PIK3R5: variants seen among roughly 807,000 people sequenced by gnomAD.
PIK3R5 encodes the protein phosphoinositide-3-kinase regulatory subunit 5.
In PIK3R5, 32 loss-of-function variants were observed where a neutral mutation model predicts 94.9. The observed-to-expected ratio is 0.34, with a 90% CI of 0.25 to 0.45. PIK3R5 has a LOEUF of 0.45. Among genes scored for constraint, PIK3R5 ranks in the 20% least tolerant of loss-of-function variants. The pLI is 1.00. For synonymous variants in PIK3R5, 443 were observed against 479.4 expected (o/e 0.92, Z 0.99); for missense variants, 853 against 1,144.6 (o/e 0.75, Z 3.68).
At chr17:8,924,753 G>C (rs977641142) in intron 1 of PIK3R5, among the ~76,000 whole-genome samples, 2 of 152,140 alleles carry the variant, frequency 1.3e-5, no homozygotes, top group Non-Finnish European at 2.9e-5. Flanking sequence ...ATATGCTTTA[G>C]AGCGAAACCT....
intron 1 of PIK3R5, among the ~76,000 whole-genome samples, chr17:8,923,689 T>G (rs1031810085): frequency 3.9e-5 from 6 of 152,198 alleles, no homozygotes; most frequent in Non-Finnish European, 7.4e-5. Context: ...CGGGAGACTG[T>G]TTAATCCTAC....
chr17:8,964,733 T>C (rs2091634390), intron 1 of PIK3R5, among the ~76,000 whole-genome samples: 1 of 152,036 alleles, frequency 6.6e-6, no homozygotes, highest in Admixed American at 6.5e-5. Context: ...AAGGAAAGTG[T>C]GGGGTGGATG....
chr17:8,913,668 C>T (rs1026040532), intron 1 of PIK3R5, among the ~76,000 whole-genome samples: 2 of 152,196 alleles, frequency 1.3e-5, no homozygotes, highest in Admixed American at 6.5e-5. Context: ...GTCGAGATCA[C>T]ACCGCTGCAC....
At chr17:8,927,237 C>G (rs2090899769) in intron 1 of PIK3R5, among the ~76,000 whole-genome samples, 1 of 152,206 alleles carries the variant, frequency 6.6e-6, no homozygotes, top group African/African-American at 2.4e-5. Context: ...GGCAACTTAG[C>G]AAGACAGACA....
chr17:8,946,033 A>C (rs145870445), intron 1 of PIK3R5, among the ~76,000 whole-genome samples: 24 of 152,174 alleles, frequency 1.6e-4, no homozygotes, highest in Non-Finnish European at 3.4e-4. Flanking sequence ...CCCAGCTGAG[A>C]CCCCAGACAT....
intron 1 of PIK3R5, among the ~76,000 whole-genome samples, chr17:8,939,831 T>C (rs2091142045): frequency 6.6e-6 from 1 of 152,188 alleles, no homozygotes; most frequent in Non-Finnish European, 1.5e-5. Context: ...TGCCTTTTGA[T>C]ATTCATGTAT....
Position 8,887,172 on chromosome 17 carries a change from T to C in PIK3R5, c.1829A>G (p.Tyr610Cys). ...ATACCAGGGGTCCAGCATGCCGAGG[T>C]AGTGGGAGATGTCATTGGTGCTCTC... The part of the protein sequence containing the change: ...WEESTNDISH[Y>C]LGMLDPWYER... Residue 610 changes from tyrosine to cysteine, a missense_variant, in exon 12 of 19, where the codon TAC becomes TGC. By Grantham distance (194) the Tyr-to-Cys change is radical. Around this residue, in one of 6 missense-constraint regions of PIK3R5, gnomAD observed 173 missense variants for 274.1 expected, o/e 0.63. Transcript: ENST00000447110. 6.2e-7 allele frequency: 1 copy of C among 1,613,726 alleles called. No homozygotes were observed. Among genetic ancestry groups the C allele is most frequent in the Non-Finnish European group, 8.5e-7 (1 of 1,179,922 alleles).
At chr17:8,901,898 T>C (rs2090291884) in intron 5 of PIK3R5, among the ~76,000 whole-genome samples, 1 of 152,182 alleles carries the variant, frequency 6.6e-6, no homozygotes, top group African/African-American at 2.4e-5. Flanking sequence ...GATGAACGTC[T>C]TTGTTTTGTA....
At chr17:8,886,961 C>G in intron 12 of PIK3R5, 135 bp downstream of exon 12, 1 of 1,028,478 alleles carries the variant, frequency 9.7e-7, no homozygotes, top group Non-Finnish European at 1.4e-6. Context: ...CTCACCCACA[C>G]TCCCTGATCT....
Position 8,909,798 on chromosome 17 carries a change from C to T in PIK3R5, c.104-624G>A, listed in dbSNP as rs1233597212. Among the ~76,000 whole-genome samples, 2 of 152,232 alleles carry T rather than the reference C, an allele frequency of 1.3e-5. No individual in the cohort carries two copies. The highest frequency in any genetic ancestry group is 1.9e-4 in the East Asian group (1 of 5,192). ...GTGGAAGCACCAGTTCTCCCACAAC[C>T]TCTCCTGCCCTGGTTTCCTACAGTG... is the stretch of plus-strand genomic sequence containing the variant. On this transcript the variant is annotated intron_variant, in intron 2 of 18. Transcript: ENST00000447110. The surrounding 1 kb of genome is among the most constrained non-coding windows in gnomAD (Gnocchi z 4.3).
chr17:8,932,331 T>G (rs865840042), intron 1 of PIK3R5, among the ~76,000 whole-genome samples: 12 of 152,234 alleles, frequency 7.9e-5, no homozygotes, highest in African/African-American at 2.9e-4. Context: ...CCTCCCAGGT[T>G]TAAGCAATTC....
At position 8,881,152 on chromosome 17, in the gene PIK3R5, G is replaced by A. The variant is rs1429917283; in HGVS notation, c.2383-135C>T. On this transcript the variant is annotated intron_variant, in intron 17 of 18. Transcript: ENST00000447110. The surrounding 1 kb of genome is among the most constrained non-coding windows in gnomAD (Gnocchi z 4.8). ...CAGGGGTTTGTCTGACTGCGCTCCA[G>A]GGTTAATGGCCAGGTCACAGGAGGG... 1.4e-6 allele frequency: 1 copy of A among 694,714 alleles called. No individual in the cohort carries two copies. The highest frequency in any genetic ancestry group is 2.6e-6 in the Non-Finnish European group (1 of 387,500). 43.0% of individuals were successfully genotyped at this position (694,714 alleles called of 1,614,324 possible). A position where few individuals can be genotyped will look rare whatever the true frequency, so the allele number is the denominator to read the frequency against.
intron 1 of PIK3R5, among the ~76,000 whole-genome samples, chr17:8,931,761 G>A (rs2090991389): frequency 6.6e-6 from 1 of 152,170 alleles, no homozygotes. Context: ...TTGAACAGAG[G>A]TTCTAGAAGT....
At chr17:8,959,602 G>C (rs534515546) in intron 1 of PIK3R5, among the ~76,000 whole-genome samples, 2 of 152,326 alleles carry the variant, frequency 1.3e-5, no homozygotes, top group East Asian at 3.9e-4. Context: ...GCTCCCCCAG[G>C]AGGCTGGCTG....
Position 8,896,140 on chromosome 17 carries a change from G to A in PIK3R5, c.413-2485C>T, listed in dbSNP as rs185448398. Among the ~76,000 whole-genome samples the A allele has an allele frequency of 2.6e-5, 4 of 152,254 alleles. No homozygotes were observed. The highest frequency in any genetic ancestry group is 2.1e-4 in the South Asian group (1 of 4,820). On this transcript the variant is annotated intron_variant, in intron 5 of 18. Coordinates refer to ENST00000447110, the MANE Select transcript of PIK3R5 (RefSeq NM_001142633.3). This position sits in a 1 kb window ranked among gnomAD's most constrained non-coding sequence, Gnocchi z 4.0. ...AGCCTGGCTTAGAGATTGTACTGCC[G>A]AGTCCCCATTTGCTGGTATGTGCTG... is the stretch of plus-strand genomic sequence containing the variant.
chr17:8,952,782 C>T (rs866924543), intron 1 of PIK3R5, among the ~76,000 whole-genome samples: 2 of 152,146 alleles, frequency 1.3e-5, no homozygotes, highest in African/African-American at 2.4e-5. Context: ...AGCAGATCTT[C>T]GGAGTAACAC....
intron 1 of PIK3R5, among the ~76,000 whole-genome samples, chr17:8,960,844 A>G (rs1342628731): frequency 9.0e-6 from 1 of 111,192 alleles, no homozygotes; most frequent in Non-Finnish European, 1.9e-5. Context: ...TCCGGGCCCC[A>G]CCCCCAGCCC....
chr17:8,941,808 C>T (rs766511443), intron 1 of PIK3R5, among the ~76,000 whole-genome samples: 1 of 152,234 alleles, frequency 6.6e-6, no homozygotes, highest in Non-Finnish European at 1.5e-5. Flanking sequence ...CACCTGTCAG[C>T]CAGTTCATCC....
chr17:8,961,646 AT>A (rs960873469), intron 1 of PIK3R5, among the ~76,000 whole-genome samples: 1 of 151,414 alleles, frequency 6.6e-6, no homozygotes, highest in African/African-American at 2.4e-5. Flanking sequence ...AAAAATAATA[AT>A]TTAAAAAAAA....
Sources: gnomAD v4.1 joint callset for allele counts (sites outside exome capture counted in the v4.1 genomes callset) on GRCh38, gnomAD v4.1.1 for gene constraint, gnomAD v4.1.1 regional missense constraint, Gnocchi (gnomAD v3.1) non-coding constraint, MANE v1.5 for transcripts, NCBI Gene and HGNC (gene_info 2026-07-23, HGNC 2026-07-21) for gene names.